Variants in KDM5A observed in about 807,000 individuals in gnomAD.
KDM5A encodes lysine-specific demethylase 5A.
KDM5A carries 42 observed loss-of-function variants against 193.5 expected under a neutral mutation model. The observed-to-expected ratio is 0.22, with a 90% CI of 0.17 to 0.28. The LOEUF (loss-of-function observed/expected upper bound fraction) is 0.28. Among genes scored for constraint, KDM5A ranks in the 10% least tolerant of loss-of-function variants. The probability of loss-of-function intolerance (pLI) is 1.00; values close to 1 mark genes in which losing one functional copy is unlikely to be tolerated. For synonymous variants in KDM5A, 796 were observed against 718.1 expected, an observed-to-expected ratio of 1.11 and a Z score of -1.73; for missense variants, 1,692 against 2,055.1, an observed-to-expected ratio of 0.82 and a Z score of 3.42.
chr12:379,245 C>T (rs1044392443), intron 3 of KDM5A, among the ~76,000 whole-genome samples: 3 of 151,936 alleles, frequency 2.0e-5, no homozygotes, highest in Admixed American at 6.6e-5. Context: ...AAGGGCACAC[C>T]TAACCTTAAA....
chr12:293,153 T>G lies in KDM5A; in HGVS notation c.4472A>C (p.Glu1491Ala), dbSNP rs201998974. Residue 1491 changes from glutamate to alanine, a missense_variant, in exon 27 of 28, where the codon GAG (glutamate) becomes GCG (alanine). Transcript: ENST00000399788. ...CTTTCCTTTCACTTTTAGTGGTTTC[T>G]CTTCCATGCTGTCATCCTTCAAAAA... ...LHIMEDDSME[E>A]KPLKVKGKDS... 175 of 1,611,926 alleles carry G rather than the reference T, an allele frequency of 1.1e-4. No individual in the cohort carries two copies. Among genetic ancestry groups the G allele is most frequent in the Admixed American group, 1.7e-4 (10 of 59,638 alleles).
Position 293,048 on chromosome 12 carries a change from T to G in KDM5A, c.4577A>C (p.Glu1526Ala). ...LFGEGKQKSK[E>A]LKKMDKPRKK... ...TCTAGGTTTGTCCATTTTCTTTAACTCCTTGGACTTCTGTTTTCCTTCTCC... is the reference window on the plus strand; with the variant it reads ...TCTAGGTTTGTCCATTTTCTTTAACGCCTTGGACTTCTGTTTTCCTTCTCC... Residue 1526 changes from glutamate (E) to alanine (A), a missense_variant, in exon 27 of 28, where the codon GAG (glutamate) becomes GCG (alanine). This residue lies in a region of KDM5A where 965 missense variants were observed against 1,061.0 expected (regional missense o/e 0.91). Transcript: ENST00000399788. 1 of 1,585,756 alleles carries G rather than the reference T, an allele frequency of 6.3e-7. No individual in the cohort carries two copies. Among genetic ancestry groups the G allele is most frequent in the Non-Finnish European group, 8.5e-7 (1 of 1,172,596 alleles).
chr12:356,350 G>T, intron 6 of KDM5A, 82 bp downstream of exon 6: 1 of 869,800 alleles, frequency 1.1e-6, no homozygotes, highest in Non-Finnish European at 1.9e-6. Context: ...TCCCAGCACA[G>T]ACTGCAATTC....
intron 22 of KDM5A, among the ~76,000 whole-genome samples, chr12:308,765 G>A (rs1242569973): frequency 2.6e-5 from 4 of 152,134 alleles, no homozygotes; most frequent in Non-Finnish European, 5.9e-5. Context: ...TATTTTCACT[G>A]GCTTCAAAAC....
At chr12:353,807 A>G (rs929709082) in intron 8 of KDM5A, among the ~76,000 whole-genome samples, 5 of 151,916 alleles carry the variant, frequency 3.3e-5, no homozygotes, top group African/African-American at 1.2e-4. Context: ...CTGTAGTCCC[A>G]GCTACTTCGG....
chr12:306,755 A>T, intron 24 of KDM5A, 191 bp downstream of exon 24: 1 of 637,420 alleles, frequency 1.6e-6, no homozygotes, highest in South Asian at 1.8e-5. Flanking sequence ...AAAAAAAAAA[A>T]AAAAATTGTT....
At chr12:291,901 C>T (rs563991911) in intron 27 of KDM5A, among the ~76,000 whole-genome samples, 2,557 of 129,910 alleles carry the variant, frequency 0.02, 109 homozygotes, top group South Asian at 0.19. Context: ...TAAAACAATG[C>T]TTTTTTTTTT....
chr12:379,795 G>A (rs140638273), intron 3 of KDM5A, among the ~76,000 whole-genome samples: 78 of 152,248 alleles, frequency 5.1e-4, no homozygotes, highest in African/African-American at 1.7e-3. Flanking sequence ...TAAGTTTTCT[G>A]AATATTTAAA....
chr12:311,129 A>G, intron 20 of KDM5A, 65 bp from the exon 21 acceptor site: 1 of 1,432,320 alleles, frequency 7.0e-7, no homozygotes, highest in South Asian at 1.2e-5. Flanking sequence ...TATACTGTTG[A>G]AAGACCTTAC....
chr12:328,680 T>C (rs1591915628), intron 14 of KDM5A, among the ~76,000 whole-genome samples, 155 bp downstream of exon 14: 1 of 152,208 alleles, frequency 6.6e-6, no homozygotes, highest in East Asian at 1.9e-4. Context: ...TCTGGAGAAA[T>C]CAATATGTCA....
At chr12:333,729 T>C (rs192855157) in intron 11 of KDM5A, 80 bp from the exon 12 acceptor site, 1 of 1,272,648 alleles carries the variant, frequency 7.9e-7, no homozygotes, top group East Asian at 2.3e-5. Context: ...TCCACCAAAT[T>C]ATAATTAACT....
chr12:285,841 T>C (rs1943213854), intron 27 of KDM5A, among the ~76,000 whole-genome samples, 179 bp from the exon 28 acceptor site: 1 of 152,198 alleles, frequency 6.6e-6, no homozygotes. Flanking sequence ...TACCCCAAAA[T>C]TATATTTCAC....
At chr12:358,481 A>G (rs1335970913) in intron 5 of KDM5A, among the ~76,000 whole-genome samples, 1 of 152,230 alleles carries the variant, frequency 6.6e-6, no homozygotes, top group Admixed American at 6.5e-5. Flanking sequence ...AGCAGAGTAT[A>G]TAACAATAAA....
chr12:333,818 A>C (rs1265879269), intron 11 of KDM5A, among the ~76,000 whole-genome samples, 169 bp from the exon 12 acceptor site: 1 of 152,196 alleles, frequency 6.6e-6, no homozygotes, highest in African/African-American at 2.4e-5. Context: ...TCACAATAGG[A>C]GGTAAGTAAA....
In KDM5A at chr12:293,130, T is replaced by C; in HGVS notation, c.4495A>G (p.Lys1499Glu). 6.2e-7 allele frequency: 1 copy of C among 1,609,058 alleles called. No individual in the cohort carries two copies. The highest frequency in any genetic ancestry group is 8.5e-7 in the Non-Finnish European group (1 of 1,178,860). The change falls in exon 27 of 28, where the codon AAG (lysine) becomes GAG (glutamate). Residue 1499 changes from lysine (K) to glutamate (E), a missense_variant. Around this residue, in one of 11 missense-constraint regions of KDM5A, gnomAD observed 965 missense variants for 1,061.0 expected, o/e 0.91. Coordinates refer to ENST00000399788, the MANE Select transcript of KDM5A (RefSeq NM_001042603.3). ...TTCCGTTTCTTCTCTGAAGAGTCCTTTCCTTTCACTTTTAGTGGTTTCTCT... is the reference window on the plus strand; with the variant it reads ...TTCCGTTTCTTCTCTGAAGAGTCCTCTCCTTTCACTTTTAGTGGTTTCTCT... Reference protein sequence around the residue: ...MEEKPLKVKGKDSSEKKRKRK... With the variant: ...MEEKPLKVKGEDSSEKKRKRK...
chr12:369,933 C>T (rs1944405050), intron 3 of KDM5A, among the ~76,000 whole-genome samples: 1 of 152,196 alleles, frequency 6.6e-6, no homozygotes, highest in African/African-American at 2.4e-5. Context: ...TTAGTAGCAG[C>T]CAGGATACGG....
At chr12:380,339 C>T (rs1291769097) in intron 3 of KDM5A, among the ~76,000 whole-genome samples, 4 of 151,698 alleles carry the variant, frequency 2.6e-5, no homozygotes, top group African/African-American at 9.7e-5. Flanking sequence ...AAATCACTGA[C>T]AGAGAAAGTT....
At chr12:331,156 G>T (rs1301578034) in intron 13 of KDM5A, among the ~76,000 whole-genome samples, 1 of 151,796 alleles carries the variant, frequency 6.6e-6, no homozygotes, top group Non-Finnish European at 1.5e-5. Context: ...AAAAATTAAG[G>T]AATTTGTAAA....
intron 19 of KDM5A, among the ~76,000 whole-genome samples, 185 bp downstream of exon 19, chr12:317,921 A>G (rs952125911): frequency 6.6e-6 from 1 of 152,168 alleles, no homozygotes; most frequent in Non-Finnish European, 1.5e-5. Context: ...GGTTTCCTTC[A>G]GGCCCTGGAT....
Sources: gnomAD v4.1 joint callset for allele counts (sites outside exome capture counted in the v4.1 genomes callset) on GRCh38, gnomAD v4.1.1 for gene constraint, gnomAD v4.1.1 regional missense constraint, MANE v1.5 for transcripts, NCBI Gene and HGNC (gene_info 2026-07-23, HGNC 2026-07-21) for gene names.